CAST: variants seen among roughly 807,000 people sequenced by gnomAD.
CAST encodes the protein MIR583 host.
Under a neutral mutation model 119.6 loss-of-function variants are expected in CAST, and 76 were observed. That is an observed-to-expected ratio of 0.64 (90% CI 0.53 to 0.77). CAST has a LOEUF of 0.77. CAST is among the 30% of genes least tolerant of loss of function. The pLI, the probability that CAST is intolerant of heterozygous loss-of-function variation, is 0.00. For synonymous variants in CAST, 319 were observed against 331.6 expected (o/e 0.96, Z 0.41); for missense variants, 953 against 946.5 (o/e 1.01, Z -0.09).
chr5:96,768,038 G>T, intron 29 of CAST, 39 bp downstream of exon 29: 1 of 1,220,272 alleles, frequency 8.2e-7, no homozygotes, highest in Non-Finnish European at 1.2e-6. Flanking sequence ...TGAAATGTGT[G>T]TGTGTGTATG....
chr5:96,241,631 A>AG, the CAST span, among the ~76,000 whole-genome samples: 79 of 143,360 alleles, frequency 5.5e-4, no homozygotes, highest in African/African-American at 1.8e-3. Context: ...TCCCTGAGGA[A>AG]TCGCCACACT....
intron 2 of CAST, among the ~76,000 whole-genome samples, chr5:96,692,309 G>A (rs1454982861): frequency 3.3e-5 from 5 of 152,102 alleles, no homozygotes; most frequent in Non-Finnish European, 5.9e-5. Context: ...GCCAGAGGAC[G>A]TTGAAAACCT....
chr5:96,442,772 A>C, the CAST span, among the ~76,000 whole-genome samples: 1 of 152,212 alleles, frequency 6.6e-6, no homozygotes, highest in African/African-American at 2.4e-5. Flanking sequence ...CTTAACTGGC[A>C]TTGGCATTTA....
chr5:96,726,604 C>A (rs1184089843), intron 4 of CAST, 190 bp from the exon 5 acceptor site: 1 of 432,672 alleles, frequency 2.3e-6, no homozygotes, highest in East Asian at 3.5e-5. Context: ...AATGTAAACA[C>A]AAACTGAAAT....
chr5:96,417,245 T>C, the CAST span, among the ~76,000 whole-genome samples: 1 of 152,176 alleles, frequency 6.6e-6, no homozygotes, highest in Non-Finnish European at 1.5e-5. Flanking sequence ...CAAAGATGAT[T>C]TCCTGGTCTC....
the CAST span, among the ~76,000 whole-genome samples, chr5:96,331,601 A>G: frequency 3.9e-5 from 6 of 152,194 alleles, no homozygotes; most frequent in Admixed American, 3.3e-4. Flanking sequence ...CCTTGTTTTT[A>G]TATACTCACC....
chr5:96,149,951 C>CTT, the CAST span, among the ~76,000 whole-genome samples: 1 of 151,552 alleles, frequency 6.6e-6, no homozygotes, highest in African/African-American at 2.4e-5. Flanking sequence ...GTTCCCTCAT[C>CTT]TTTTTTTTTC....
At chr5:96,101,912 A>C in the CAST span, among the ~76,000 whole-genome samples, 1 of 152,192 alleles carries the variant, frequency 6.6e-6, no homozygotes, top group Non-Finnish European at 1.5e-5. Flanking sequence ...TGAGCGAATG[A>C]GTGCAGGATA....
the CAST span, among the ~76,000 whole-genome samples, chr5:96,069,655 C>CTT: frequency 0.022 from 1,708 of 78,270 alleles, 24 homozygotes; most frequent in Middle Eastern, 0.03. Flanking sequence ...GGTAATTAAA[C>CTT]TTTTTTTTTT....
At chr5:96,757,547 A>C (rs760205463) in intron 23 of CAST, 36 bp from the exon 24 acceptor site, 3 of 1,611,926 alleles carry the variant, frequency 1.9e-6, no homozygotes. Flanking sequence ...CCCTGATTGC[A>C]ATGGTGTTTG....
At chr5:96,127,391 A>C in the CAST span, among the ~76,000 whole-genome samples, 1 of 152,110 alleles carries the variant, frequency 6.6e-6, no homozygotes, top group African/African-American at 2.4e-5. Flanking sequence ...TGTTCATTTT[A>C]AAAATGAAAT....
chr5:96,663,310 C>T lies in CAST; in HGVS notation c.75+813C>T, dbSNP rs1748841895. The T allele has an allele frequency of 1.7e-4, 117 of 685,214 alleles. 3 individuals are homozygous for T. In the South Asian group the frequency reaches 1.8e-3, roughly 10 times the overall value. 42.4% of individuals were successfully genotyped at this position (685,214 alleles called of 1,614,324 possible). A position where few individuals can be genotyped will look rare whatever the true frequency, so the allele number is the denominator to read the frequency against. The stretch of plus-strand genomic sequence containing the variant: ...GGGTGCGGACCGGGTGCGACCTCCT[C>T]GCAGACCTTCAGGTTAGGCTCGGGG... On this transcript the variant is annotated intron_variant, in intron 1 of 31. Coordinates refer to ENST00000675179, the MANE Select transcript of CAST (RefSeq NM_001750.7).
At position 96,580,031 on chromosome 5, in the gene CAST, C is replaced by T. The variant is rs550935201; in HGVS notation, c.60+50151C>T. On this transcript the variant is annotated intron_variant, in intron 1 of 11. Transcript: ENST00000505143. The stretch of plus-strand genomic sequence containing the variant: ...AAACAGGATCAAAGTCACTGTAGTA[C>T]TTCCACATACATAGATATTTTCATG... Among the ~76,000 whole-genome samples, 11 of 152,314 alleles carry T rather than the reference C, an allele frequency of 7.2e-5. No homozygotes were observed. In the South Asian group the frequency reaches 2.3e-3, roughly 32 times the overall value.
chr5:96,744,418 A>G (rs1026966509), intron 16 of CAST, among the ~76,000 whole-genome samples: 1 of 152,186 alleles, frequency 6.6e-6, no homozygotes. Context: ...ACTCCCCTTT[A>G]TAAAACCATC....
At position 96,573,783 on chromosome 5, in the gene CAST, C is replaced by T. The variant is rs1015797907; in HGVS notation, c.60+43903C>T. On this transcript the variant is annotated intron_variant, in intron 1 of 11. Transcript: ENST00000505143. ...TCCCTTGTGCCCCTTCTCAGACAATCCAACTTTCTCAAACAACCACTCTTC... is the reference window on the plus strand; with the variant it reads ...TCCCTTGTGCCCCTTCTCAGACAATTCAACTTTCTCAAACAACCACTCTTC... Among the ~76,000 whole-genome samples the T allele has an allele frequency of 2.0e-5, 3 of 152,320 alleles. No individual in the cohort carries two copies. In the South Asian group the frequency reaches 6.2e-4, roughly 32 times the overall value.
At chr5:96,345,405 T>C in the CAST span, among the ~76,000 whole-genome samples, 1 of 152,184 alleles carries the variant, frequency 6.6e-6, no homozygotes, top group Admixed American at 6.5e-5. Context: ...GATTGTATCT[T>C]GATTCTGAGC....
the CAST span, chr5:96,432,026 AGC>A: frequency 7.9e-7 from 1 of 1,258,904 alleles, no homozygotes; most frequent in Non-Finnish European, 1.1e-6. Context: ...CTATCGACCA[AGC>A]CTTCACTTGG....
At chr5:96,335,472 A>G in the CAST span, among the ~76,000 whole-genome samples, 2 of 151,868 alleles carry the variant, frequency 1.3e-5, no homozygotes, top group Non-Finnish European at 2.9e-5. Flanking sequence ...TTCTTTCCCA[A>G]CCATGGTCTC....
intron 1 of CAST, among the ~76,000 whole-genome samples, chr5:96,560,379 T>G (rs554418591): frequency 9.2e-5 from 14 of 151,650 alleles, no homozygotes; most frequent in Middle Eastern, 6.8e-3. Flanking sequence ...ACTAAAGAGC[T>G]TCTGCACAGC....
Sources: gnomAD v4.1 joint callset for allele counts (sites outside exome capture counted in the v4.1 genomes callset) on GRCh38, gnomAD v4.1.1 for gene constraint, MANE v1.5 for transcripts, NCBI Gene and HGNC (gene_info 2026-07-23, HGNC 2026-07-21) for gene names.